KLHL18: variants seen among roughly 807,000 people sequenced by gnomAD.
KLHL18 encodes kelch like family member 18.
A neutral mutation model predicts 58.5 loss-of-function variants in KLHL18; 38 were observed. The observed-to-expected ratio is 0.65, with a 90% CI of 0.50 to 0.85. KLHL18 has a LOEUF of 0.85. Ranked by LOEUF, KLHL18 falls within the 40% of genes least tolerant of loss-of-function variation. The pLI is 0.00. For missense variants in KLHL18, 624 were observed against 778.4 expected, an observed-to-expected ratio of 0.80 and a Z score of 2.36; for synonymous variants, 303 against 301.9, an observed-to-expected ratio of 1.00 and a Z score of -0.04.
At position 47,300,287 on chromosome 3, in the gene KLHL18, T is replaced by TATATATATATATA; in HGVS notation, c.129+17193_129+17194insATATATATATATA. On this transcript the variant is annotated intron_variant, in intron 1 of 9. Transcript: ENST00000232766. ...ATTCTTTTGCATCCTCACCGGCATT[T>TATATATATATATA]TATATATATATATATATATATATGT... is the stretch of plus-strand genomic sequence containing the variant. Among the ~76,000 whole-genome samples the TATATATATATATA allele has an allele frequency of 2.3e-5, 3 of 133,126 alleles. 1 individual carries two copies. In the South Asian group the frequency reaches 7.4e-4, roughly 33 times the overall value. 87.3% of individuals were successfully genotyped at this position (133,126 alleles called of 152,430 possible). A position where few individuals can be genotyped will look rare whatever the true frequency, so the allele number is the denominator to read the frequency against.
intron 3 of KLHL18, among the ~76,000 whole-genome samples, chr3:47,324,680 T>A (rs73077304): frequency 0.011 from 1,719 of 151,380 alleles, 15 homozygotes; most frequent in Middle Eastern, 0.031. Context: ...AAAAAAAAAA[T>A]TTTTTTAATT....
intron 1 of KLHL18, among the ~76,000 whole-genome samples, chr3:47,301,741 C>G (rs547232907): frequency 4.6e-5 from 7 of 152,288 alleles, no homozygotes; most frequent in African/African-American, 1.4e-4. Context: ...CTACTGTTGA[C>G]TAGAAGGAAA....
intron 4 of KLHL18, 43 bp from the exon 5 acceptor site, chr3:47,333,114 T>C (rs200974330): frequency 8.6e-5 from 137 of 1,594,168 alleles, no homozygotes; most frequent in Non-Finnish European, 1.5e-5. Context: ...GTGTGGCCTC[T>C]GGGTGGGAGG....
At chr3:47,333,450 C>T (rs1234266605) in intron 5 of KLHL18, 133 bp downstream of exon 5, 1 of 866,768 alleles carries the variant, frequency 1.2e-6, no homozygotes, top group African/African-American at 1.7e-5. Flanking sequence ...GATTGGTCTG[C>T]CCTCTGTCTA....
chr3:47,286,136 ATTTATT>A (rs962454876), intron 1 of KLHL18, among the ~76,000 whole-genome samples: 7 of 152,162 alleles, frequency 4.6e-5, no homozygotes, highest in Admixed American at 3.9e-4. Flanking sequence ...GGACCAGTAT[ATTTATT>A]TTTTTCTCTC....
intron 2 of KLHL18, among the ~76,000 whole-genome samples, chr3:47,321,095 C>T (rs1378948211): frequency 1.3e-5 from 2 of 152,290 alleles, no homozygotes; most frequent in African/African-American, 2.4e-5. Context: ...ATGATGAGCA[C>T]AGCTCTATCA....
intron 3 of KLHL18, among the ~76,000 whole-genome samples, chr3:47,327,323 G>A (rs1378221163): frequency 2.0e-5 from 3 of 152,284 alleles, no homozygotes; most frequent in East Asian, 1.9e-4. Flanking sequence ...AATAAGGTAC[G>A]AGAATCCTAA....
intron 1 of KLHL18, among the ~76,000 whole-genome samples, chr3:47,311,541 A>T (rs1228956357): frequency 1.3e-5 from 2 of 151,966 alleles, no homozygotes; most frequent in African/African-American, 4.8e-5. Context: ...AAATACAAAA[A>T]ATTAGCCGAG....
intron 3 of KLHL18, among the ~76,000 whole-genome samples, chr3:47,327,182 T>C (rs1421268103): frequency 6.6e-6 from 1 of 151,932 alleles, no homozygotes; most frequent in Non-Finnish European, 1.5e-5. Context: ...GAGGTTGCAG[T>C]GAGCTGAGAT....
At chr3:47,333,958 C>G (rs1703926404) in intron 5 of KLHL18, among the ~76,000 whole-genome samples, 3 of 152,184 alleles carry the variant, frequency 2.0e-5, no homozygotes, top group Non-Finnish European at 1.5e-5. Flanking sequence ...AATTCACAAC[C>G]CTGAAATATT....
At position 47,290,662 on chromosome 3, in the gene KLHL18, T is replaced by C. The variant is rs183603463; in HGVS notation, c.129+7568T>C. Reference sequence around the variant, plus strand: ...ATTTTTTGAGAGATGGGGCCTCACCTTGTGGTCTAGGCTGGTCTCAAACTC... The same window carrying C: ...ATTTTTTGAGAGATGGGGCCTCACCCTGTGGTCTAGGCTGGTCTCAAACTC... On this transcript the variant is annotated intron_variant, in intron 1 of 9. Transcript: ENST00000232766. Among the ~76,000 whole-genome samples the C allele has an allele frequency of 8.7e-4, 132 of 152,186 alleles. 2 individuals carry two copies. The highest frequency in any genetic ancestry group is 3.0e-3 in the African/African-American group (124 of 41,516).
intron 7 of KLHL18, chr3:47,338,958 C>T (rs1489544052): frequency 6.6e-6 from 1 of 152,176 alleles, no homozygotes; most frequent in Non-Finnish European, 1.5e-5. Flanking sequence ...GTGCTGAATT[C>T]CTTATAAGGC....
intron 3 of KLHL18, among the ~76,000 whole-genome samples, chr3:47,328,443 C>G (rs1171725258): frequency 6.6e-6 from 1 of 152,044 alleles, no homozygotes; most frequent in Non-Finnish European, 1.5e-5. Context: ...ATGGCTCAGC[C>G]CTAAGAGGTG....
At chr3:47,308,774 C>T (rs76097275) in intron 1 of KLHL18, among the ~76,000 whole-genome samples, 1 of 144,742 alleles carries the variant, frequency 6.9e-6, no homozygotes, top group Non-Finnish European at 1.5e-5. Flanking sequence ...TTGTTGCCAT[C>T]TTTTTTTTTT....
intron 1 of KLHL18, among the ~76,000 whole-genome samples, chr3:47,303,101 G>A (rs191905899): frequency 1.3e-5 from 2 of 152,150 alleles, no homozygotes; most frequent in Non-Finnish European, 2.9e-5. Context: ...CATAAATCCC[G>A]TGACGTCATG....
chr3:47,343,675 G>T lies in KLHL18; in HGVS notation c.1459G>T (p.Gly487Cys). 6.2e-7 allele frequency: 1 copy of T among 1,614,136 alleles called. No homozygotes were observed. Among genetic ancestry groups the T allele is most frequent in the Non-Finnish European group, 8.5e-7 (1 of 1,180,040 alleles). Residue 487 changes from glycine to cysteine, a missense_variant, in exon 10 of 10, where the codon GGC becomes TGC. Coordinates refer to ENST00000232766, the MANE Select transcript of KLHL18 (RefSeq NM_025010.5). Reference sequence around the variant, plus strand: ...GATGTTTGTCTGCGGGGGCTACGATGGCTCTGGCTTCCTCAGCATTGCCGA... The same window carrying T: ...GATGTTTGTCTGCGGGGGCTACGATTGCTCTGGCTTCCTCAGCATTGCCGA... ...SKMFVCGGYD[G>C]SGFLSIAEMY... is the part of the protein sequence containing the mutation.
chr3:47,299,921 A>C (rs565503865), intron 1 of KLHL18, among the ~76,000 whole-genome samples: 1 of 151,568 alleles, frequency 6.6e-6, no homozygotes. Context: ...TTTCTGACTC[A>C]AGACTGTAAC....
At chr3:47,304,223 A>G (rs1204961651) in intron 1 of KLHL18, among the ~76,000 whole-genome samples, 1 of 152,190 alleles carries the variant, frequency 6.6e-6, no homozygotes, top group Non-Finnish European at 1.5e-5. Context: ...AATATCATCT[A>G]TAGCTATAAA....
intron 1 of KLHL18, chr3:47,287,152 TG>T (rs1287382184): frequency 6.6e-6 from 1 of 152,120 alleles, no homozygotes; most frequent in Non-Finnish European, 1.5e-5. Flanking sequence ...TCTAAAATTT[TG>T]TTGACCCTTC....
Sources: allele counts gnomAD v4.1 joint callset (sites outside exome capture counted in the v4.1 genomes callset), GRCh38; gene constraint gnomAD v4.1.1; transcripts MANE v1.5; gene names NCBI Gene and HGNC (gene_info 2026-07-23, HGNC 2026-07-21).